The following UBP1 variants were observed in gnomAD, a reference collection of about 807,000 sequenced individuals.
UBP1 encodes upstream binding protein 1, also known as upstream-binding protein 1.
UBP1 carries 22 observed loss-of-function variants against 76.1 expected under a neutral mutation model. The ratio of observed to expected loss-of-function variants is 0.29; its 90% CI spans 0.21 to 0.41. The LOEUF is 0.41. Among genes scored for constraint, UBP1 ranks in the 10% least tolerant of loss-of-function variants. The probability of loss-of-function intolerance (pLI) is 1.00; values close to 1 mark genes in which losing one functional copy is unlikely to be tolerated. For synonymous variants in UBP1, 224 were observed against 237.1 expected (o/e 0.94, Z 0.51); for missense variants, 436 against 668.1 (o/e 0.65, Z 3.83).
At chr3:33,406,575 T>A (rs1437391380) in intron 8 of UBP1, among the ~76,000 whole-genome samples, 2 of 152,240 alleles carry the variant, frequency 1.3e-5, no homozygotes. Flanking sequence ...AAGCTTCAAG[T>A]TAGCATGGCA....
At chr3:33,392,364 A>G in intron 15 of UBP1, 199 bp downstream of exon 15, 1 of 481,042 alleles carries the variant, frequency 2.1e-6, no homozygotes, top group Non-Finnish European at 3.6e-6. Flanking sequence ...TTTTTTTTCC[A>G]GTCATCTAGA....
intron 1 of UBP1, among the ~76,000 whole-genome samples, chr3:33,431,613 G>A (rs1324976869): frequency 1.3e-5 from 2 of 151,964 alleles, no homozygotes; most frequent in South Asian, 2.1e-4. Context: ...GGTGGCACAC[G>A]TCTGTAGTCC....
Position 33,416,848 on chromosome 3 carries a change from T to C in UBP1, c.266-14A>G, listed in dbSNP as rs556225762. On this transcript the variant is annotated splice_polypyrimidine_tract_variant and intron_variant, in intron 2 of 15. Coordinates refer to ENST00000283629, the MANE Select transcript of UBP1 (RefSeq NM_014517.5). ...CATATGACTGACCTATTTAAAGAAA[T>C]TGTGTATAAAAAACAATCCTTATAA... The C allele has an allele frequency of 3.1e-6, 5 of 1,608,264 alleles. No homozygotes were observed. Among genetic ancestry groups the C allele is most frequent in the South Asian group, 1.1e-5 (1 of 90,566 alleles).
intron 3 of UBP1, among the ~76,000 whole-genome samples, chr3:33,413,739 T>C (rs988032862): frequency 3.9e-5 from 6 of 152,226 alleles, no homozygotes; most frequent in Middle Eastern, 3.4e-3. Context: ...GAGACATTTA[T>C]AGGGCTCAGT....
In UBP1 at chr3:33,434,304, T is replaced by C. The variant is rs868250063; in HGVS notation, c.113+5432A>G. On this transcript the variant is annotated intron_variant, in intron 1 of 15. Coordinates refer to ENST00000283629, the MANE Select transcript of UBP1 (RefSeq NM_014517.5). ...TCAGCAAATCCTTTTTTTTTTTTTT[T>C]TTTTTTTTTTTGAGAAAGAGTCTTG... Among the ~76,000 whole-genome samples the C allele has an allele frequency of 7.2e-3, 1,040 of 144,608 alleles. 10 individuals carry two copies. Among genetic ancestry groups the C allele is most frequent in the African/African-American group, 0.023 (909 of 38,764 alleles). 94.9% of individuals were successfully genotyped at this position (144,608 alleles called of 152,430 possible). A position where few individuals can be genotyped will look rare whatever the true frequency, so the allele number is the denominator to read the frequency against.
intron 1 of UBP1, among the ~76,000 whole-genome samples, chr3:33,431,753 A>AC (rs1009798373): frequency 2.6e-5 from 4 of 151,894 alleles, no homozygotes; most frequent in African/African-American, 9.7e-5. Flanking sequence ...GAAAAAAAAA[A>AC]AAAACGAAAA....
chr3:33,433,950 G>A (rs1317227525), intron 1 of UBP1, among the ~76,000 whole-genome samples: 1 of 151,864 alleles, frequency 6.6e-6, no homozygotes, highest in Non-Finnish European at 1.5e-5. Flanking sequence ...AATAGTATCA[G>A]TCATAGAACC....
chr3:33,439,551 C>A (rs943525416), intron 1 of UBP1, among the ~76,000 whole-genome samples, 185 bp downstream of exon 1: 1 of 152,238 alleles, frequency 6.6e-6, no homozygotes, highest in African/African-American at 2.4e-5. Flanking sequence ...CCCACCCGCC[C>A]GTCACCAGGG....
At chr3:33,417,414 A>C (rs771468771) in intron 2 of UBP1, among the ~76,000 whole-genome samples, 1 of 151,218 alleles carries the variant, frequency 6.6e-6, no homozygotes, top group Admixed American at 6.6e-5. Context: ...CTTGCTTTTT[A>C]AACTTAGCAT....
intron 1 of UBP1, among the ~76,000 whole-genome samples, chr3:33,426,018 T>C (rs1378309285): frequency 9.9e-6 from 1 of 101,160 alleles, no homozygotes; most frequent in Non-Finnish European, 2.0e-5. Context: ...TATATATATA[T>C]ATATATATAT....
chr3:33,430,916 G>A (rs566663404), intron 1 of UBP1, among the ~76,000 whole-genome samples: 37 of 152,072 alleles, frequency 2.4e-4, no homozygotes, highest in African/African-American at 8.0e-4. Flanking sequence ...CTATTTTCCT[G>A]ACTGGACACA....
intron 13 of UBP1, 152 bp downstream of exon 13, chr3:33,396,010 G>C (rs1422849513): frequency 3.5e-6 from 2 of 572,946 alleles, no homozygotes; most frequent in Non-Finnish European, 5.9e-6. Flanking sequence ...TCACCCTAGA[G>C]CTGCCACCTC....
intron 3 of UBP1, chr3:33,416,011 A>G (rs1472087601): frequency 1.3e-5 from 2 of 152,116 alleles, no homozygotes; most frequent in African/African-American, 4.8e-5. Flanking sequence ...CTTACCCACT[A>G]AAAAGGCAGA....
At chr3:33,418,239 A>C (rs753627925) in intron 2 of UBP1, among the ~76,000 whole-genome samples, 3 of 152,184 alleles carry the variant, frequency 2.0e-5, no homozygotes, top group Non-Finnish European at 4.4e-5. Context: ...CAGATCAATA[A>C]GAAACATTAA....
At chr3:33,404,555 G>C (rs1268737367) in intron 8 of UBP1, among the ~76,000 whole-genome samples, 14 of 151,868 alleles carry the variant, frequency 9.2e-5, no homozygotes, top group Non-Finnish European at 2.9e-5. Context: ...TCTGAGACAG[G>C]AGAATTGCTT....
chr3:33,410,367 G>A (rs1046454241), intron 5 of UBP1, among the ~76,000 whole-genome samples: 6 of 152,080 alleles, frequency 3.9e-5, no homozygotes, highest in East Asian at 1.9e-4. Flanking sequence ...AACCTGATAT[G>A]TAAAGCCAGG....
At chr3:33,423,311 T>C (rs1438710203) in intron 2 of UBP1, among the ~76,000 whole-genome samples, 1 of 152,146 alleles carries the variant, frequency 6.6e-6, no homozygotes, top group East Asian at 1.9e-4. Context: ...AGTGCTAGGA[T>C]TACAGGCGTG....
Position 33,397,040 on chromosome 3 carries a change from T to A in UBP1, c.1271+5A>T, listed in dbSNP as rs1201519236. ...TTTCAAGCAAAACAGTTCACAGTATTTTACCTTGACTTCAGTGAATTATAG... is the reference window on the plus strand; with the variant it reads ...TTTCAAGCAAAACAGTTCACAGTATATTACCTTGACTTCAGTGAATTATAG... On this transcript the variant is annotated splice_donor_5th_base_variant and intron_variant, in intron 12 of 15. Transcript: ENST00000283629. 6.3e-7 allele frequency: 1 copy of A among 1,587,966 alleles called. No homozygotes were observed. The highest frequency in any genetic ancestry group is 8.6e-7 in the Non-Finnish European group (1 of 1,168,340).
chr3:33,408,932 AC>A, intron 7 of UBP1, 135 bp from the exon 8 acceptor site: 2 of 935,562 alleles, frequency 2.1e-6, no homozygotes, highest in Non-Finnish European at 3.2e-6. Context: ...AAAATGCAAA[AC>A]CCCAGCAGTG....
Sources: gnomAD v4.1 joint callset for allele counts (sites outside exome capture counted in the v4.1 genomes callset) on GRCh38, gnomAD v4.1.1 for gene constraint, MANE v1.5 for transcripts, NCBI Gene and HGNC (gene_info 2026-07-23, HGNC 2026-07-21) for gene names.